TIMM9: variants seen among roughly 807,000 people sequenced by gnomAD.
The protein encoded by TIMM9 is translocase of inner mitochondrial membrane 9, also known as mitochondrial import inner membrane translocase subunit Tim9.
TIMM9 carries 10 observed loss-of-function variants against 13.4 expected under a neutral mutation model. The ratio of observed to expected loss-of-function variants is 0.75; its 90% CI spans 0.46 to 1.26. The LOEUF (loss-of-function observed/expected upper bound fraction) is 1.26. Among genes scored for constraint, TIMM9 ranks in the 50% most tolerant of loss-of-function variants. TIMM9 has a pLI of 0.00. For synonymous variants in TIMM9, 32 were observed against 32.1 expected (o/e 1.00, Z 0.01); for missense variants, 87 against 100.8 (o/e 0.86, Z 0.58).
chr14:58,418,728 A>AG (rs767773796), intron 3 of TIMM9, among the ~76,000 whole-genome samples: 99 of 152,298 alleles, frequency 6.5e-4, no homozygotes, highest in African/African-American at 1.9e-3. Flanking sequence ...AAAAAGATTT[A>AG]GGGGCAAATC....
At chr14:58,410,993 T>C (rs1006415430) in intron 4 of TIMM9, 55 bp from the exon 5 acceptor site, 1 of 1,266,044 alleles carries the variant, frequency 7.9e-7, no homozygotes, top group African/African-American at 1.5e-5. Context: ...AAAGATGCTT[T>C]GAAACTTAAA....
At chr14:58,411,012 A>C in intron 4 of TIMM9, 74 bp from the exon 5 acceptor site, 1 of 1,027,696 alleles carries the variant, frequency 9.7e-7, no homozygotes, top group African/African-American at 1.6e-5. Flanking sequence ...AATTACTGGT[A>C]TTTTATATTT....
intron 3 of TIMM9, among the ~76,000 whole-genome samples, chr14:58,421,477 G>C (rs546015127): frequency 1.2e-3 from 184 of 152,276 alleles, no homozygotes; most frequent in Non-Finnish European, 2.1e-3. Context: ...CTCCAGTTTT[G>C]TAAGATGTTA....
At chr14:58,409,271 A>C in intron 5 of TIMM9, 103 bp from the exon 6 acceptor site, 1 of 1,322,644 alleles carries the variant, frequency 7.6e-7, no homozygotes, top group Non-Finnish European at 1.0e-6. Context: ...TTTTCTTTGA[A>C]TATATCTGAG....
chr14:58,422,115 C>CTT (rs762867153), intron 3 of TIMM9, among the ~76,000 whole-genome samples: 8 of 126,672 alleles, frequency 6.3e-5, no homozygotes, highest in East Asian at 2.3e-4. Context: ...AGTATGAAAT[C>CTT]TTTTTTTTTT....
intron 5 of TIMM9, among the ~76,000 whole-genome samples, chr14:58,410,324 C>T (rs1051107317): frequency 1.3e-5 from 2 of 152,094 alleles, no homozygotes; most frequent in African/African-American, 4.8e-5. Context: ...ATCCACCTGC[C>T]TTGACCTCCC....
chr14:58,427,444 T>C lies in TIMM9; in HGVS notation c.-356A>G. 1.4e-6 allele frequency: 1 copy of C among 709,454 alleles called. No homozygotes were observed. The highest frequency in any genetic ancestry group is 2.8e-5 in the East Asian group (1 of 35,894). The allele number at this position is 709,454 out of a possible 1,614,324, so 43.9% of individuals were successfully genotyped here. On this transcript the variant is annotated 5_prime_UTR_variant, in exon 1 of 6. Coordinates refer to ENST00000395159, the MANE Select transcript of TIMM9 (RefSeq NM_012460.4). ...GAAGCGAAGCAGTGTCAACAGTCCC[T>C]GGTAAACACAAGTAGTATTACAAGT...
chr14:58,412,080 T>G (rs2036238432), intron 3 of TIMM9, 109 bp from the exon 4 acceptor site: 1 of 739,274 alleles, frequency 1.4e-6, no homozygotes. Flanking sequence ...TGTATGTAAT[T>G]GTATGCCACC....
chr14:58,419,451 T>TCACACACACACACACACACACACA (rs67147520), intron 3 of TIMM9, among the ~76,000 whole-genome samples: 109 of 112,886 alleles, frequency 9.7e-4, no homozygotes, highest in Non-Finnish European at 1.4e-3. Context: ...TGAGACCCCG[T>TCACACACACACACACACACACACA]CACACACACA....
At chr14:58,415,710 G>C (rs1254434237) in intron 3 of TIMM9, among the ~76,000 whole-genome samples, 2 of 152,114 alleles carry the variant, frequency 1.3e-5, no homozygotes, top group Admixed American at 1.3e-4. Context: ...AGGACTTGTA[G>C]AAGTATAAAA....
chr14:58,413,911 G>A (rs1055979968), intron 3 of TIMM9, among the ~76,000 whole-genome samples: 13 of 143,092 alleles, frequency 9.1e-5, no homozygotes, highest in African/African-American at 3.4e-4. Context: ...GGAGGCTGAG[G>A]CAGAAGAATG....
At chr14:58,426,440 C>T (rs2036809601) in intron 2 of TIMM9, among the ~76,000 whole-genome samples, 1 of 152,004 alleles carries the variant, frequency 6.6e-6, no homozygotes, top group South Asian at 2.1e-4. Context: ...CTCCTGATCT[C>T]GTGATCCGCC....
At chr14:58,410,717 A>G (rs2036188076) in intron 5 of TIMM9, 126 bp downstream of exon 5, 1 of 647,930 alleles carries the variant, frequency 1.5e-6, no homozygotes, top group African/African-American at 1.8e-5. Flanking sequence ...AGTTCTTCCA[A>G]GCAATGGAAC....
intron 3 of TIMM9, among the ~76,000 whole-genome samples, chr14:58,419,994 G>A (rs907896667): frequency 2.0e-5 from 3 of 152,212 alleles, no homozygotes; most frequent in Non-Finnish European, 2.9e-5. Context: ...GTCTCACCAT[G>A]TTGCCCAGGC....
chr14:58,419,520 C>T (rs2036527853), intron 3 of TIMM9, among the ~76,000 whole-genome samples: 1 of 151,392 alleles, frequency 6.6e-6, no homozygotes, highest in South Asian at 2.1e-4. Context: ...CATACACACA[C>T]ACACACACAA....
chr14:58,416,252 A>G lies in TIMM9; in HGVS notation c.-26-4281T>C, dbSNP rs747077449. Among the ~76,000 whole-genome samples the G allele has an allele frequency of 2.6e-5, 4 of 152,178 alleles. No individual in the cohort carries two copies. The South Asian group carries it at 6.2e-4, about 24-fold the overall frequency. On this transcript the variant is annotated intron_variant, in intron 3 of 5. Transcript: ENST00000395159. ...CAAATAAATAAATAAATAACAATAA[A>G]TAAAATAAAAAATAAAGACAAAAAG...
intron 3 of TIMM9, among the ~76,000 whole-genome samples, chr14:58,422,362 T>C (rs1239211807): frequency 6.6e-6 from 1 of 152,088 alleles, no homozygotes; most frequent in Non-Finnish European, 1.5e-5. Context: ...GTGATCCTCC[T>C]GCCTCGGCCT....
intron 3 of TIMM9, among the ~76,000 whole-genome samples, chr14:58,420,875 A>T (rs894800059): frequency 6.6e-6 from 1 of 152,068 alleles, no homozygotes; most frequent in African/African-American, 2.4e-5. Context: ...AAACAAAAAC[A>T]GTGGCAATAC....
At chr14:58,411,862 T>C in intron 4 of TIMM9, 45 bp downstream of exon 4, 2 of 1,583,580 alleles carry the variant, frequency 1.3e-6, no homozygotes, top group Non-Finnish European at 1.7e-6. Flanking sequence ...AGTAGCACCT[T>C]ACATTTTTTT....
Sources: allele counts gnomAD v4.1 joint callset (sites outside exome capture counted in the v4.1 genomes callset), GRCh38; gene constraint gnomAD v4.1.1; transcripts MANE v1.5; gene names NCBI Gene and HGNC (gene_info 2026-07-23, HGNC 2026-07-21).